The following ZNF443 variants were observed in gnomAD, a reference collection of about 807,000 sequenced individuals.
ZNF443 encodes the protein zinc finger protein 443.
A neutral mutation model predicts 12.0 loss-of-function variants in ZNF443; 3 were observed. The observed-to-expected ratio is 0.25, with a 90% CI of 0.11 to 0.64. ZNF443 has a LOEUF of 0.64. ZNF443 is among the 30% of genes least tolerant of loss of function. ZNF443 has a pLI of 0.84. For synonymous variants in ZNF443, 225 were observed against 265.9 expected (o/e 0.85, Z 1.50); for missense variants, 770 against 808.8 (o/e 0.95, Z 0.58).
chr19:12,430,697 T>A lies in ZNF443; in HGVS notation c.1475A>T (p.Gln492Leu). Residue 492 changes from glutamine to leucine, a missense_variant, in exon 4 of 4, where the codon CAA (glutamine) becomes CTA (leucine). Physicochemically the swap from Gln to Leu is moderately radical, Grantham distance 113. Around this residue, in one of 3 missense-constraint regions of ZNF443, gnomAD observed 736 missense variants for 689.4 expected, o/e 1.07. Transcript: ENST00000301547. ...TCCAGTGTGAGTTGTTTTGTGATTT[T>A]GAAAGGAACAGAAATCAATACAGGC... ...GKACIDFCSF[Q>L]NHKTTHTGEK... is the part of the protein sequence containing the mutation. 1 of 1,613,302 alleles carries A rather than the reference T, an allele frequency of 6.2e-7. No individual in the cohort carries two copies. Among genetic ancestry groups the A allele is most frequent in the Non-Finnish European group, 8.5e-7 (1 of 1,179,450 alleles).
rs1334448539 is a variant in ZNF443, at chr19:12,431,107, G to C, written c.1065C>G (p.His355Gln). 7 of 1,613,762 alleles carry C rather than the reference G, an allele frequency of 4.3e-6. No individual in the cohort carries two copies. The highest frequency in any genetic ancestry group is 5.1e-6 in the Non-Finnish European group (6 of 1,179,970). ...GTCCATTTCCAGTGTGCCTTATCAT[G>C]TGTCTTTGAAAGCTTCCCAGATGAT... ...AFHHLGSFQR[H>Q]MIRHTGNGPH... The change falls in exon 4 of 4, where the codon CAC becomes CAG. Residue 355 changes from histidine to glutamine, a missense_variant. By Grantham distance (24) the His-to-Gln change is conservative. Transcript: ENST00000301547.
At chr19:12,432,675 T>C (rs1253609985) in intron 2 of ZNF443, among the ~76,000 whole-genome samples, 3 of 139,920 alleles carry the variant, frequency 2.1e-5, no homozygotes, top group Non-Finnish European at 1.5e-5. Flanking sequence ...GCCTACTCAA[T>C]GTGAAGACAA....
At chr19:12,432,186 T>C in intron 3 of ZNF443, 191 bp downstream of exon 3, 1 of 638,476 alleles carries the variant, frequency 1.6e-6, no homozygotes, top group Non-Finnish European at 2.6e-6. Context: ...ATTCATAATA[T>C]TGTTGTCATG....
intron 1 of ZNF443, among the ~76,000 whole-genome samples, chr19:12,437,515 A>G (rs1464708824): frequency 6.6e-6 from 1 of 151,954 alleles, no homozygotes; most frequent in African/African-American, 2.4e-5. Context: ...GAGACAGAAA[A>G]AGAAAGGAAG....
rs1474541833 is a variant in ZNF443, at chr19:12,431,360, T to C, written c.812A>G (p.His271Arg). 3 of 1,614,086 alleles carry C rather than the reference T, an allele frequency of 1.9e-6. No homozygotes were observed. Among genetic ancestry groups the C allele is most frequent in the Admixed American group, 1.7e-5 (1 of 60,006 alleles). Residue 271 changes from histidine to arginine, a missense_variant, in exon 4 of 4, where the codon CAT (histidine) becomes CGT (arginine). Coordinates refer to ENST00000301547, the MANE Select transcript of ZNF443 (RefSeq NM_005815.5). ...AFPFYSSYLRHERTHTGEKPY... is the reference protein window; with the variant it reads ...AFPFYSSYLRRERTHTGEKPY... ...TTTCTCCCCAGTATGTGTTCTTTCATGTCTTAGATAGGAACTGTAAAAAGG... is the reference window on the plus strand; with the variant it reads ...TTTCTCCCCAGTATGTGTTCTTTCACGTCTTAGATAGGAACTGTAAAAAGG...
chr19:12,434,609 T>G (rs1448631648), intron 1 of ZNF443, among the ~76,000 whole-genome samples: 1 of 152,122 alleles, frequency 6.6e-6, no homozygotes, highest in Non-Finnish European at 1.5e-5. Flanking sequence ...TAAAAAATGC[T>G]GGAAACTTTC....
chr19:12,433,638 C>T (rs1354533443), intron 1 of ZNF443, among the ~76,000 whole-genome samples: 1 of 152,034 alleles, frequency 6.6e-6, no homozygotes, highest in Non-Finnish European at 1.5e-5. Flanking sequence ...GGGAGGGCCC[C>T]AGGAGCATAA....
In ZNF443 at chr19:12,430,868, A is replaced by G. The variant is rs1256946890; in HGVS notation, c.1304T>C (p.Val435Ala). ...GTGAGTCCTTTCATGTCTTTGAAAT[A>G]CACTGGGATAAACAAAGGCTTTCCC... ...VCGKAFVYPS[V>A]FQRHERTHTA... Residue 435 changes from valine to alanine, a missense_variant, in exon 4 of 4, where the codon GTA becomes GCA. Transcript: ENST00000301547. The G allele has an allele frequency of 5.6e-6, 9 of 1,613,780 alleles. No homozygotes were observed. In the East Asian group the frequency reaches 2.0e-4, roughly 36 times the overall value.
Position 12,431,381 on chromosome 19 carries a change from A to T in ZNF443, c.791T>A (p.Phe264Tyr), listed in dbSNP as rs529398623. ...TTCATGTCTTAGATAGGAACTGTAA[A>T]AAGGAAAGGCTTTAGAACACTGTTT... is the stretch of plus-strand genomic sequence containing the variant. ...ECKQCSKAFP[F>Y]YSSYLRHERT... is the part of the protein sequence containing the mutation. Residue 264 changes from phenylalanine to tyrosine, a missense_variant, in exon 4 of 4, where the codon TTT (phenylalanine) becomes TAT (tyrosine). Transcript: ENST00000301547. The T allele has an allele frequency of 3.0e-5, 48 of 1,613,726 alleles. 2 individuals carry two copies. In the South Asian group the frequency reaches 4.8e-4, roughly 16 times the overall value.
intron 1 of ZNF443, among the ~76,000 whole-genome samples, chr19:12,438,724 G>A (rs1970337712): frequency 6.6e-6 from 1 of 151,200 alleles, no homozygotes; most frequent in Non-Finnish European, 1.5e-5. Context: ...ACAAGCTCTG[G>A]GGCAAAAAAA....
chr19:12,436,116 A>G (rs531051872), intron 1 of ZNF443, among the ~76,000 whole-genome samples: 1 of 147,824 alleles, frequency 6.8e-6, no homozygotes, highest in Non-Finnish European at 1.5e-5. Flanking sequence ...TCAATGAAGT[A>G]AAGGCAATGA....
intron 1 of ZNF443, among the ~76,000 whole-genome samples, chr19:12,434,055 CAAG>C (rs1305092993): frequency 1.3e-5 from 2 of 152,156 alleles, no homozygotes; most frequent in African/African-American, 2.4e-5. Flanking sequence ...TCCCCATCAG[CAAG>C]AAGGTTTCTC....
At chr19:12,440,251 G>T (rs59312064) in intron 1 of ZNF443, among the ~76,000 whole-genome samples, 2 of 144,182 alleles carry the variant, frequency 1.4e-5, no homozygotes, top group African/African-American at 5.1e-5. Flanking sequence ...TGCCTCAAGG[G>T]GCCGCCTCCC....
At chr19:12,438,713 C>T (rs1243406246) in intron 1 of ZNF443, among the ~76,000 whole-genome samples, 1 of 152,028 alleles carries the variant, frequency 6.6e-6, no homozygotes, top group Non-Finnish European at 1.5e-5. Flanking sequence ...AAACGTACTA[C>T]ACAAGCTCTG....
In ZNF443 at chr19:12,433,522, T is replaced by G. The variant is rs547976842; in HGVS notation, c.4-325A>C. On this transcript the variant is annotated intron_variant, in intron 1 of 3. Transcript: ENST00000301547. ...CCTTGGCACGATAAAGTCCTACTAC[T>G]TATTGTGCAAAAGGGAGTTACCATT... Among the ~76,000 whole-genome samples, 21 of 152,308 alleles carry G rather than the reference T, an allele frequency of 1.4e-4. No individual in the cohort carries two copies. The South Asian group carries it at 1.5e-3, about 11-fold the overall frequency.
chr19:12,440,872 ACC>A (rs1970357995), intron 1 of ZNF443, 38 bp downstream of exon 1: 2 of 1,613,284 alleles, frequency 1.2e-6, no homozygotes, highest in East Asian at 4.5e-5. Flanking sequence ...GTTCCACCTA[ACC>A]CCTCCCCCGC....
intron 1 of ZNF443, among the ~76,000 whole-genome samples, chr19:12,435,644 A>G (rs568411869): frequency 6.6e-6 from 1 of 152,144 alleles, no homozygotes; most frequent in South Asian, 2.1e-4. Flanking sequence ...CAGCCTGGCT[A>G]AGTGTTCAAG....
intron 1 of ZNF443, among the ~76,000 whole-genome samples, chr19:12,433,466 CT>C (rs1043749616): frequency 2.0e-5 from 3 of 152,216 alleles, no homozygotes; most frequent in African/African-American, 7.2e-5. Context: ...TGGATCACCC[CT>C]AATGTCGATT....
chr19:12,437,416 A>AGAAAG (rs1970324145), intron 1 of ZNF443, among the ~76,000 whole-genome samples: 1 of 146,686 alleles, frequency 6.8e-6, no homozygotes, highest in Non-Finnish European at 1.5e-5. Flanking sequence ...TCAAAAAAAA[A>AGAAAG]AAAGAAACAA....
Sources: allele counts gnomAD v4.1 joint callset (sites outside exome capture counted in the v4.1 genomes callset), GRCh38; gene constraint gnomAD v4.1.1; regional missense constraint gnomAD v4.1.1; transcripts MANE v1.5; gene names NCBI Gene and HGNC (gene_info 2026-07-23, HGNC 2026-07-21).